Variants in FBXO7 observed in about 807,000 individuals in gnomAD.
The protein encoded by FBXO7 is F-box only protein 7.
Under a neutral mutation model 50.2 loss-of-function variants are expected in FBXO7, and 31 were observed. The observed-to-expected ratio is 0.62, with a 90% CI of 0.46 to 0.83. FBXO7 has a LOEUF of 0.83. Ranked by LOEUF, FBXO7 falls within the 40% of genes least tolerant of loss-of-function variation. The probability of loss-of-function intolerance (pLI) is 0.00; values close to 1 mark genes in which losing one functional copy is unlikely to be tolerated. For missense variants in FBXO7, 667 were observed against 646.6 expected (o/e 1.03, Z -0.34); for synonymous variants, 256 against 253.1 (o/e 1.01, Z -0.11).
At chr22:32,496,366 C>G (rs887936458) in intron 8 of FBXO7, among the ~76,000 whole-genome samples, 1 of 152,084 alleles carries the variant, frequency 6.6e-6, no homozygotes, top group African/African-American at 2.4e-5. Context: ...CCTGTAATCC[C>G]AGCTACTCAG....
chr22:32,486,404 G>C (rs2057498930), intron 4 of FBXO7, among the ~76,000 whole-genome samples: 1 of 152,076 alleles, frequency 6.6e-6, no homozygotes, highest in African/African-American at 2.4e-5. Flanking sequence ...GCAGAGCATG[G>C]ATCATTGCAT....
intron 5 of FBXO7, chr22:32,488,064 TG>T: frequency 2.2e-6 from 1 of 446,120 alleles, no homozygotes; most frequent in African/African-American, 2.0e-5. Context: ...TGAATTATAT[TG>T]TTATGAGATA....
In FBXO7 at chr22:32,490,664, G is replaced by A. The variant is rs758499230; in HGVS notation, c.872-422G>A. The A allele has an allele frequency of 5.5e-5, 9 of 162,388 alleles. No individual in the cohort carries two copies. The East Asian group carries it at 7.3e-4, about 13-fold the overall frequency. The allele number at this position is 162,388 out of a possible 1,614,324, so 10.1% of individuals were successfully genotyped here. ...CTTCTGATGTGAAAGCTTGAAAAAC[G>A]CTTGACACAGGTGCTGATACATAGT... On this transcript the variant is annotated intron_variant, in intron 5 of 8. Transcript: ENST00000266087.
chr22:32,484,700 G>A (rs1334687080), intron 3 of FBXO7, among the ~76,000 whole-genome samples: 2 of 152,148 alleles, frequency 1.3e-5, no homozygotes, highest in African/African-American at 4.8e-5. Flanking sequence ...AAAGGAAATG[G>A]CAAACAATTT....
At chr22:32,492,733 A>G (rs2057545414) in intron 6 of FBXO7, 1 of 272,834 alleles carries the variant, frequency 3.7e-6, no homozygotes, top group Non-Finnish European at 7.1e-6. Context: ...ACAGATATAA[A>G]AGCCAGTGAA....
chr22:32,491,831 C>CTT (rs1165224873), intron 6 of FBXO7: 1 of 122,628 alleles, frequency 8.2e-6, no homozygotes, highest in Non-Finnish European at 1.7e-5. Context: ...CTTATATTAG[C>CTT]TTCTCATTTT....
chr22:32,484,455 G>A (rs968560924), intron 3 of FBXO7, among the ~76,000 whole-genome samples: 2 of 152,164 alleles, frequency 1.3e-5, no homozygotes, highest in African/African-American at 2.4e-5. Context: ...TGGTCTGTGA[G>A]CCATGTTATA....
Position 32,493,221 on chromosome 22 carries a change from C to G in FBXO7, c.1084C>G (p.Leu362Val), listed in dbSNP as rs1323447609. ...GTCTTTGTCTGCGGTTTGTCGTGAC[C>G]TCTTTACTGCTTCAAATGACCCACT... ...VLSLSAVCRD[L>V]FTASNDPLLW... The change falls in exon 7 of 9, where the codon CTC (leucine) becomes GTC (valine). Residue 362 changes from leucine (L) to valine (V), a missense_variant. Coordinates refer to ENST00000266087, the MANE Select transcript of FBXO7 (RefSeq NM_012179.4). 1 of 1,614,028 alleles carries G rather than the reference C, an allele frequency of 6.2e-7. No homozygotes were observed. The highest frequency in any genetic ancestry group is 8.5e-7 in the Non-Finnish European group (1 of 1,180,008).
intron 8 of FBXO7, among the ~76,000 whole-genome samples, chr22:32,497,469 T>G (rs2057582789): frequency 6.6e-6 from 1 of 152,254 alleles, no homozygotes; most frequent in Non-Finnish European, 1.5e-5. Context: ...AGACATTATT[T>G]CATTCCTTTT....
In FBXO7 at chr22:32,481,694, TA is replaced by T. The variant is rs201567999; in HGVS notation, c.418-2201del. ...ACCATAGGAGGTAAATTTACTCTTG[TA>T]ATTAAATATCAGTTTTCTTATTTCA... On this transcript the variant is annotated intron_variant, in intron 2 of 8. Transcript: ENST00000266087. Among the ~76,000 whole-genome samples the T allele has an allele frequency of 7.0e-3, 1,059 of 152,338 alleles. 50 individuals are homozygous for T. The highest frequency in any genetic ancestry group is 0.062 in the Admixed American group (949 of 15,298).
At position 32,475,136 on chromosome 22, in the gene FBXO7, C is replaced by A; in HGVS notation, c.122+12C>A. On this transcript the variant is annotated intron_variant, in intron 1 of 8. Transcript: ENST00000266087. ...ACCTGGGGGTACAGGTACGCTGGGGCCGGGGCTGGGCGGCCCGCGGGGAGT... is the reference window on the plus strand; with the variant it reads ...ACCTGGGGGTACAGGTACGCTGGGGACGGGGCTGGGCGGCCCGCGGGGAGT... The A allele has an allele frequency of 1.3e-6, 2 of 1,539,810 alleles. No homozygotes were observed. Among genetic ancestry groups the A allele is most frequent in the Non-Finnish European group, 1.7e-6 (2 of 1,143,644 alleles).
At chr22:32,485,255 A>T (rs369936867) in intron 4 of FBXO7, 46 bp downstream of exon 4, 2 of 1,612,908 alleles carry the variant, frequency 1.2e-6, no homozygotes, top group African/African-American at 2.7e-5. Flanking sequence ...GGATTCTTAG[A>T]CGTTTCTTTC....
rs746229636 is a variant in FBXO7, at chr22:32,475,029, G to A, written c.27G>A (p.Lys9=). 4 of 1,541,290 alleles carry A rather than the reference G, an allele frequency of 2.6e-6. No homozygotes were observed. In the South Asian group the frequency reaches 4.8e-5, roughly 18 times the overall value. ...TGAGGCTGCGGGTGCGGCTTCTGAA[G>A]CGGACCTGGCCGCTGGAGGTGCCCG... MRLRVRLL[K]RTWPLEVPET... Residue 9 remains lysine, a synonymous_variant, in exon 1 of 9, where the codon AAG becomes AAA. Transcript: ENST00000266087.
chr22:32,475,645 T>C, intron 1 of FBXO7: 1 of 512,918 alleles, frequency 1.9e-6, no homozygotes, highest in Non-Finnish European at 3.4e-6. Context: ...ATCGCTGCTG[T>C]GAAGCGGCAA....
At position 32,484,033 on chromosome 22, in the gene FBXO7, C is replaced by A; in HGVS notation, c.554C>A (p.Thr185Asn). The change falls in exon 3 of 9, where the codon ACC (threonine) becomes AAC (asparagine). Residue 185 changes from threonine (T) to asparagine (N), a missense_variant. By Grantham distance (65) the Thr-to-Asn change is moderately conservative. Coordinates refer to ENST00000266087, the MANE Select transcript of FBXO7 (RefSeq NM_012179.4). ...VEGQVPHSLE[T>N]LYQSADCSDA... ...GGGCAAGTGCCACATTCATTAGAGA[C>A]CTTGTATCAATCAGCTGACTGTTCT... 1 of 1,614,192 alleles carries A rather than the reference C, an allele frequency of 6.2e-7. No homozygotes were observed. The highest frequency in any genetic ancestry group is 8.5e-7 in the Non-Finnish European group (1 of 1,180,024).
At chr22:32,491,731 ACTG>A (rs1156867588) in intron 6 of FBXO7, 1 of 151,880 alleles carries the variant, frequency 6.6e-6, no homozygotes, top group African/African-American at 2.4e-5. Context: ...ATTCTTATTT[ACTG>A]CTAATGACTT....
chr22:32,496,685 C>T (rs1386754996), intron 8 of FBXO7, among the ~76,000 whole-genome samples: 1 of 152,180 alleles, frequency 6.6e-6, no homozygotes, highest in African/African-American at 2.4e-5. Context: ...AGCCAGTCAT[C>T]CCAGAGCTCT....
At chr22:32,484,697 A>G (rs1231189400) in intron 3 of FBXO7, among the ~76,000 whole-genome samples, 1 of 152,236 alleles carries the variant, frequency 6.6e-6, no homozygotes, top group Non-Finnish European at 1.5e-5. Flanking sequence ...ATGAAAGGAA[A>G]TGGCAAACAA....
intron 3 of FBXO7, among the ~76,000 whole-genome samples, chr22:32,484,419 A>C (rs1472928892): frequency 2.0e-5 from 3 of 152,210 alleles, no homozygotes; most frequent in Non-Finnish European, 4.4e-5. Context: ...GAACTTCTTC[A>C]TACTCCTGCA....
Sources: gnomAD v4.1 joint callset for allele counts (sites outside exome capture counted in the v4.1 genomes callset) on GRCh38, gnomAD v4.1.1 for gene constraint, MANE v1.5 for transcripts, NCBI Gene and HGNC (gene_info 2026-07-23, HGNC 2026-07-21) for gene names.